CPS1: variants seen among roughly 807,000 people sequenced by gnomAD.
CPS1 encodes carbamoyl-phosphate synthase 1, also known as carbamoyl-phosphate synthase [ammonia], mitochondrial.
In CPS1, 109 loss-of-function variants were observed where a neutral mutation model predicts 174.6. The ratio of observed to expected loss-of-function variants is 0.62; its 90% CI spans 0.53 to 0.73. The LOEUF is 0.73. Among genes scored for constraint, CPS1 ranks in the 30% least tolerant of loss-of-function variants. CPS1 has a pLI of 0.00. For missense variants in CPS1, 1,689 were observed against 1,821.9 expected, an observed-to-expected ratio of 0.93 and a Z score of 1.33; for synonymous variants, 637 against 632.0, an observed-to-expected ratio of 1.01 and a Z score of -0.12.
chr2:210,677,168 G>A (rs1177970051), intron 37 of CPS1, 32 bp downstream of exon 37: 15 of 1,608,676 alleles, frequency 9.3e-6, no homozygotes, highest in African/African-American at 1.3e-5. Context: ...TAGACTGGAT[G>A]GGAGTTTTAT....
At chr2:210,652,534 G>A (rs1700589298) in intron 28 of CPS1, among the ~76,000 whole-genome samples, 1 of 152,170 alleles carries the variant, frequency 6.6e-6, no homozygotes, top group Non-Finnish European at 1.5e-5. Context: ...GGTGAAAGAG[G>A]ATAAAGGATA....
chr2:210,609,894 A>C (rs1390571695), intron 19 of CPS1, among the ~76,000 whole-genome samples: 1 of 152,008 alleles, frequency 6.6e-6, no homozygotes, highest in African/African-American at 2.4e-5. Context: ...TTACTGGTCT[A>C]TCATATTCAC....
intron 1 of CPS1, among the ~76,000 whole-genome samples, chr2:210,562,733 CAT>C (rs1441433638): frequency 6.6e-6 from 1 of 152,046 alleles, no homozygotes; most frequent in East Asian, 1.9e-4. Context: ...GGAAAAAAAA[CAT>C]GTGGGGCCTC....
chr2:210,623,679 G>A (rs1256326288), intron 21 of CPS1, among the ~76,000 whole-genome samples: 1 of 152,088 alleles, frequency 6.6e-6, no homozygotes, highest in African/African-American at 2.4e-5. Context: ...GTGCTAAATT[G>A]AGCTCAGTAA....
intron 1 of CPS1, among the ~76,000 whole-genome samples, chr2:210,516,590 A>G (rs1217427281): frequency 6.6e-6 from 1 of 152,052 alleles, no homozygotes; most frequent in African/African-American, 2.4e-5. Flanking sequence ...CTCCTTCAGT[A>G]GTTCTGTAGA....
At chr2:210,635,438 G>C (rs1700014553) in intron 21 of CPS1, among the ~76,000 whole-genome samples, 1 of 152,166 alleles carries the variant, frequency 6.6e-6, no homozygotes, top group Admixed American at 6.6e-5. Flanking sequence ...GCACTGTTCA[G>C]TAGAAATTTC....
intron 36 of CPS1, 98 bp from the exon 37 acceptor site, chr2:210,676,909 A>G: frequency 2.6e-6 from 3 of 1,139,038 alleles, no homozygotes. Context: ...TCAGCATGGC[A>G]TTGACTTGAA....
chr2:210,629,634 G>A lies in CPS1; in HGVS notation c.2688-8068G>A, dbSNP rs182985643. Among the ~76,000 whole-genome samples the A allele has an allele frequency of 1.1e-3, 160 of 151,852 alleles. 1 individual carries two copies. The highest frequency in any genetic ancestry group is 1.5e-3 in the South Asian group (7 of 4,804). On this transcript the variant is annotated intron_variant, in intron 21 of 37. Coordinates refer to ENST00000233072, the MANE Select transcript of CPS1 (RefSeq NM_001875.5). ...CCAGCCAGAACACTTTCTTATATAC[G>A]AATTGACATAACTTACTACTTTGGT... is the stretch of plus-strand genomic sequence containing the variant.
chr2:210,638,866 T>A (rs1700119744), intron 22 of CPS1, among the ~76,000 whole-genome samples: 1 of 152,194 alleles, frequency 6.6e-6, no homozygotes, highest in Non-Finnish European at 1.5e-5. Context: ...TAAGTCTTCC[T>A]AGTAACCAGT....
intron 1 of CPS1, among the ~76,000 whole-genome samples, chr2:210,563,598 T>G (rs1697177374): frequency 6.6e-6 from 1 of 152,176 alleles, no homozygotes. Flanking sequence ...CGAAGAAAAC[T>G]GGTTCGAAGT....
chr2:210,585,672 T>C (rs10191702), intron 6 of CPS1, among the ~76,000 whole-genome samples: 94,065 of 151,740 alleles, frequency 0.62, 29,993 homozygotes, highest in African/African-American at 0.77. Context: ...ATAATAGTTA[T>C]GCAACTAACA....
intron 29 of CPS1, 131 bp downstream of exon 29, chr2:210,654,233 T>TA (rs963804687): frequency 2.0e-5 from 16 of 780,826 alleles, no homozygotes; most frequent in African/African-American, 3.5e-5. Flanking sequence ...GGAGAAGCTG[T>TA]AAAAAAAATC....
At chr2:210,638,583 A>G (rs939403635) in intron 22 of CPS1, among the ~76,000 whole-genome samples, 2 of 152,114 alleles carry the variant, frequency 1.3e-5, no homozygotes, top group African/African-American at 4.8e-5. Context: ...CCTGCCTTAC[A>G]CCAGCTTGCC....
In CPS1 at chr2:210,532,677, A is replaced by G. The variant is rs541975473; in HGVS notation, c.4-24042A>G. Among the ~76,000 whole-genome samples the G allele has an allele frequency of 2.6e-5, 4 of 152,216 alleles. No homozygotes were observed. In the South Asian group the frequency reaches 8.3e-4, roughly 32 times the overall value. On this transcript the variant is annotated intron_variant, in intron 1 of 38. Coordinates refer to the CPS1 transcript ENST00000430249. ...ATTGCTCTATTAAATTAAATTACTC[A>G]CTAGTTTCGAAAACATTGGTTTAGA...
chr2:210,656,579 G>A lies in CPS1; in HGVS notation c.3613G>A (p.Asp1205Asn). The stretch of plus-strand genomic sequence containing the variant: ...TGAAGATGCAGGTGTCCACTCGGGA[G>A]ATGCCACTCTGATGCTGCCCACACA... ...HVEDAGVHSG[D>N]ATLMLPTQTI... The change falls in exon 30 of 38, where the codon GAT (aspartate) becomes AAT (asparagine). Residue 1205 changes from aspartate to asparagine, a missense_variant. Physicochemically the swap from Asp to Asn is conservative, Grantham distance 23. Transcript: ENST00000233072. 1 of 1,611,388 alleles carries A rather than the reference G, an allele frequency of 6.2e-7. No homozygotes were observed. Among genetic ancestry groups the A allele is most frequent in the Non-Finnish European group, 8.5e-7 (1 of 1,179,736 alleles).
chr2:210,570,160 T>C (rs1371361969), intron 1 of CPS1, among the ~76,000 whole-genome samples: 4 of 151,838 alleles, frequency 2.6e-5, no homozygotes, highest in Non-Finnish European at 4.4e-5. Flanking sequence ...ATATAGAGAG[T>C]ACTTTAGGCA....
intron 1 of CPS1, among the ~76,000 whole-genome samples, chr2:210,531,886 TAC>T (rs757503877): frequency 4.6e-5 from 7 of 152,154 alleles, no homozygotes; most frequent in South Asian, 4.1e-4. Flanking sequence ...ACACCTTGAA[TAC>T]AGTTTTTTTC....
chr2:210,536,119 C>T (rs1414181551), intron 1 of CPS1, among the ~76,000 whole-genome samples: 1 of 152,060 alleles, frequency 6.6e-6, no homozygotes, highest in South Asian at 2.1e-4. Flanking sequence ...ACTTATCATA[C>T]ATGTATTAAG....
chr2:210,481,675 A>G (rs757203704), intron 1 of CPS1, among the ~76,000 whole-genome samples: 1 of 152,244 alleles, frequency 6.6e-6, no homozygotes, highest in Non-Finnish European at 1.5e-5. Context: ...TTTGAAAGAG[A>G]AAACTTAACA....
Sources: gnomAD v4.1 joint callset for allele counts (sites outside exome capture counted in the v4.1 genomes callset) on GRCh38, gnomAD v4.1.1 for gene constraint, MANE v1.5 for transcripts, NCBI Gene and HGNC (gene_info 2026-07-23, HGNC 2026-07-21) for gene names.